ATG7: variants seen among roughly 807,000 people sequenced by gnomAD.
ATG7 encodes the protein autophagy related 7, also known as ubiquitin-like modifier-activating enzyme ATG7.
ATG7 carries 70 observed loss-of-function variants against 82.4 expected under a neutral mutation model. The ratio of observed to expected loss-of-function variants is 0.85; its 90% confidence interval spans 0.70 to 1.04. ATG7 has a LOEUF of 1.04. Ranked by LOEUF, ATG7 falls within the 50% of genes least tolerant of loss-of-function variation. ATG7 has a pLI of 0.00. For synonymous variants in ATG7, 287 were observed against 313.0 expected, an observed-to-expected ratio of 0.92 and a Z score of 0.88; for missense variants, 792 against 864.3, an observed-to-expected ratio of 0.92 and a Z score of 1.05.
the ATG7 span, among the ~76,000 whole-genome samples, chr3:11,576,059 G>T: frequency 6.6e-6 from 1 of 152,196 alleles, no homozygotes; most frequent in Non-Finnish European, 1.5e-5. Flanking sequence ...ATTAGCTTTA[G>T]TTTTTTAAGA....
chr3:11,571,218 C>T, the ATG7 span, among the ~76,000 whole-genome samples: 11 of 152,276 alleles, frequency 7.2e-5, no homozygotes, highest in African/African-American at 2.2e-4. Context: ...GGACACAGGG[C>T]AGAGACTGTC....
chr3:11,535,580 C>A (rs1235396962), intron 20 of ATG7, among the ~76,000 whole-genome samples: 1 of 152,162 alleles, frequency 6.6e-6, no homozygotes, highest in Admixed American at 6.5e-5. Flanking sequence ...GGGACAGCTA[C>A]AAGCCCTACA....
chr3:11,313,341 A>T lies in ATG7; in HGVS notation c.449A>T (p.Tyr150Phe), dbSNP rs143084842. ...KKYHFYYWFC[Y>F]PALCLPESLP... ...TACCACTTCTACTATTGGTTTTGCT[A>T]TCCTGCCCTCTGTCTTCCAGAGAGT... Residue 150 changes from tyrosine to phenylalanine, a missense_variant, in exon 8 of 21, where the codon TAT becomes TTT. Physicochemically the swap from Tyr to Phe is conservative, Grantham distance 22 (BLOSUM62 3). Coordinates refer to ENST00000693202, the MANE Select transcript of ATG7 (RefSeq NM_001349232.2). 3 of 1,612,860 alleles carry T rather than the reference A, an allele frequency of 1.9e-6. No individual in the cohort carries two copies. The highest frequency in any genetic ancestry group is 2.5e-6 in the Non-Finnish European group (3 of 1,179,370).
At chr3:11,506,253 C>G (rs999163773) in intron 20 of ATG7, among the ~76,000 whole-genome samples, 5 of 152,186 alleles carry the variant, frequency 3.3e-5, no homozygotes, top group Non-Finnish European at 1.5e-5. Flanking sequence ...CTCCATGTAA[C>G]AGTCTAGAGC....
intron 20 of ATG7, among the ~76,000 whole-genome samples, chr3:11,472,108 ACT>A (rs761222434): frequency 2.0e-5 from 3 of 151,964 alleles, no homozygotes; most frequent in Non-Finnish European, 2.9e-5. Context: ...TGGAGGTTAG[ACT>A]CTCACACAGA....
At chr3:11,403,861 C>G (rs2080079617) in intron 19 of ATG7, among the ~76,000 whole-genome samples, 1 of 152,170 alleles carries the variant, frequency 6.6e-6, no homozygotes, top group Non-Finnish European at 1.5e-5. Context: ...CGCTGGATTT[C>G]CCAAAGAAGC....
At chr3:11,295,545 C>T (rs1945733215) in intron 3 of ATG7, among the ~76,000 whole-genome samples, 2 of 152,258 alleles carry the variant, frequency 1.3e-5, no homozygotes, top group South Asian at 4.1e-4. Flanking sequence ...AGCCTGTTCT[C>T]TTTTAAGCAA....
chr3:11,407,060 C>G (rs964421767), intron 19 of ATG7, among the ~76,000 whole-genome samples: 2 of 152,244 alleles, frequency 1.3e-5, no homozygotes, highest in Non-Finnish European at 2.9e-5. Flanking sequence ...TGAGACAAGG[C>G]AAGTCCCTTC....
the ATG7 span, among the ~76,000 whole-genome samples, chr3:11,575,041 C>T: frequency 6.6e-6 from 1 of 152,180 alleles, no homozygotes; most frequent in Non-Finnish European, 1.5e-5. Context: ...CTCCTCCTCT[C>T]TCTTCTTCAA....
intron 20 of ATG7, among the ~76,000 whole-genome samples, chr3:11,498,220 A>G (rs2091012001): frequency 6.6e-6 from 1 of 152,176 alleles, no homozygotes; most frequent in African/African-American, 2.4e-5. Context: ...GTAGTCTCCA[A>G]ACAGAATTTC....
intron 7 of ATG7, 119 bp downstream of exon 7, chr3:11,309,180 T>G: frequency 9.9e-7 from 1 of 1,008,012 alleles, no homozygotes; most frequent in East Asian, 2.4e-5. Context: ...ACTTAAATAA[T>G]AGCTGTTAAC....
intron 9 of ATG7, among the ~76,000 whole-genome samples, chr3:11,324,686 A>C (rs1407213010): frequency 6.6e-6 from 1 of 152,098 alleles, no homozygotes; most frequent in Admixed American, 6.6e-5. Context: ...CTTTGTCCTT[A>C]GGGTAAGAAA....
chr3:11,520,744 G>A (rs115973077), intron 20 of ATG7, among the ~76,000 whole-genome samples: 183 of 152,318 alleles, frequency 1.2e-3, no homozygotes, highest in African/African-American at 4.3e-3. Flanking sequence ...GCCTTGGCTT[G>A]TCAGTAACTG....
chr3:11,454,315 C>T (rs972761215), intron 20 of ATG7, among the ~76,000 whole-genome samples: 15 of 152,184 alleles, frequency 9.9e-5, no homozygotes, highest in Admixed American at 4.6e-4. Context: ...ATCAGCACAT[C>T]GTGTTTCCCT....
intron 20 of ATG7, among the ~76,000 whole-genome samples, chr3:11,469,823 C>G (rs2087248565): frequency 6.6e-6 from 1 of 151,500 alleles, no homozygotes; most frequent in Non-Finnish European, 1.5e-5. Flanking sequence ...CCCATCTCCA[C>G]TAAAAATACC....
intron 13 of ATG7, among the ~76,000 whole-genome samples, chr3:11,346,783 A>G (rs1954617067): frequency 6.6e-6 from 1 of 152,262 alleles, no homozygotes; most frequent in African/African-American, 2.4e-5. Context: ...TTAGATGATG[A>G]AAATAATTTA....
At chr3:11,539,700 C>T (rs531754842) in intron 20 of ATG7, among the ~76,000 whole-genome samples, 4 of 152,322 alleles carry the variant, frequency 2.6e-5, no homozygotes, top group African/African-American at 9.6e-5. Flanking sequence ...AAGCTATATT[C>T]GTTTTCTCTT....
At chr3:11,309,721 G>A (rs1345797420) in intron 7 of ATG7, among the ~76,000 whole-genome samples, 3 of 152,028 alleles carry the variant, frequency 2.0e-5, no homozygotes, top group East Asian at 1.9e-4. Context: ...ACACAGGCAC[G>A]TGCACACACA....
intron 20 of ATG7, among the ~76,000 whole-genome samples, chr3:11,439,886 T>G (rs1370427544): frequency 1.3e-5 from 2 of 152,246 alleles, no homozygotes; most frequent in African/African-American, 4.8e-5. Context: ...CCTGCCCTTT[T>G]GATGCCCATA....
Sources: gnomAD v4.1 joint callset for allele counts (sites outside exome capture counted in the v4.1 genomes callset) on GRCh38, gnomAD v4.1.1 for gene constraint, MANE v1.5 for transcripts, NCBI Gene and HGNC (gene_info 2026-07-23, HGNC 2026-07-21) for gene names.